WWP1: variants seen among roughly 807,000 people sequenced by gnomAD.
WWP1 encodes NEDD4-like E3 ubiquitin-protein ligase WWP1.
A neutral mutation model predicts 130.6 loss-of-function variants in WWP1; 49 were observed. The ratio of observed to expected loss-of-function variants is 0.38; its 90% CI spans 0.30 to 0.48. The LOEUF is 0.48. Ranked by LOEUF, WWP1 falls within the 20% of genes least tolerant of loss-of-function variation. The pLI, the probability that WWP1 is intolerant of heterozygous loss-of-function variation, is 0.99. For missense variants in WWP1, 809 were observed against 1,100.6 expected (o/e 0.74, Z 3.75); for synonymous variants, 332 against 367.8 (o/e 0.90, Z 1.11).
At chr8:86,427,950 C>T (rs890128442) in intron 11 of WWP1, 133 bp downstream of exon 11, 9 of 723,298 alleles carry the variant, frequency 1.2e-5, no homozygotes, top group Non-Finnish European at 1.8e-5. Context: ...GACTGTGTTA[C>T]AAGATATTTT....
intron 9 of WWP1, 95 bp from the exon 10 acceptor site, chr8:86,425,128 G>A: frequency 1.2e-6 from 1 of 859,498 alleles, no homozygotes; most frequent in South Asian, 1.8e-5. Flanking sequence ...TTAATGTAAA[G>A]CTTATCTGTA....
In WWP1 at chr8:86,377,538, C is replaced by A. The variant is rs1239676592; in HGVS notation, c.71-3188C>A. Among the ~76,000 whole-genome samples the A allele has an allele frequency of 2.6e-5, 4 of 151,542 alleles. No homozygotes were observed. In the South Asian group the frequency reaches 6.3e-4, roughly 24 times the overall value. ...TATTTTTAGCATATTTACTCTTATC[C>A]TCATTTCTGTTCTTAACCCTTATCT... On this transcript the variant is annotated intron_variant, in intron 3 of 24. Transcript: ENST00000517970.
intron 1 of WWP1, among the ~76,000 whole-genome samples, chr8:86,352,898 T>C (rs1035264784): frequency 6.6e-6 from 1 of 152,242 alleles, no homozygotes; most frequent in Non-Finnish European, 1.5e-5. Flanking sequence ...TACTTCTTTC[T>C]ACAAAAGCAG....
chr8:86,388,074 C>A (rs1253365830), intron 5 of WWP1, among the ~76,000 whole-genome samples: 1 of 151,568 alleles, frequency 6.6e-6, no homozygotes, highest in East Asian at 1.9e-4. Context: ...TTTAAATAGC[C>A]ATACATGGCC....
intron 18 of WWP1, among the ~76,000 whole-genome samples, chr8:86,446,472 T>A (rs548597181): frequency 8.0e-4 from 122 of 152,324 alleles, no homozygotes; most frequent in Admixed American, 2.9e-3. Context: ...GTGCAGAAGC[T>A]CTTTAGTTTA....
intron 2 of WWP1, among the ~76,000 whole-genome samples, chr8:86,372,932 CT>C (rs1824412358): frequency 6.6e-6 from 1 of 152,090 alleles, no homozygotes; most frequent in Admixed American, 6.6e-5. Context: ...CTCTTTCAGA[CT>C]TACCAGATGA....
rs747496330 is a variant in WWP1 at position 86,466,858 on chromosome 8, G to T, written c.2734G>T (p.Ala912Ser). 1 of 1,605,252 alleles carries T rather than the reference G, an allele frequency of 6.2e-7. No individual in the cohort carries two copies. Among genetic ancestry groups the T allele is most frequent in the Admixed American group, 1.7e-5 (1 of 57,958 alleles). ...YEQLKEKLLF[A>S]IEETEGFGQE ...ACAACTAAAGGAAAAACTTCTTTTT[G>T]CAATAGAAGAGACAGAGGGATTTGG... is the stretch of plus-strand genomic sequence containing the variant. Residue 912 changes from alanine to serine, a missense_variant, in exon 25 of 25, where the codon GCA becomes TCA. Ala to Ser is a moderately conservative substitution (Grantham distance 99). Transcript: ENST00000517970.
intron 1 of WWP1, among the ~76,000 whole-genome samples, chr8:86,346,618 A>C (rs1822599170): frequency 6.6e-6 from 1 of 152,180 alleles, no homozygotes; most frequent in African/African-American, 2.4e-5. Context: ...ACTTTTCTGC[A>C]CCTGTAAGAT....
At chr8:86,424,612 G>T (rs867736617) in intron 9 of WWP1, among the ~76,000 whole-genome samples, 12 of 145,576 alleles carry the variant, frequency 8.2e-5, no homozygotes, top group African/African-American at 3.0e-4. Context: ...AGACCAGCCC[G>T]GCCAACACAG....
At chr8:86,383,737 C>T (rs1478229675) in intron 5 of WWP1, among the ~76,000 whole-genome samples, 2 of 152,168 alleles carry the variant, frequency 1.3e-5, no homozygotes, top group East Asian at 1.9e-4. Context: ...GCGAGACTCC[C>T]TCTCAAAAAA....
intron 3 of WWP1, among the ~76,000 whole-genome samples, chr8:86,376,808 G>A (rs1476178459): frequency 6.6e-6 from 1 of 152,124 alleles, no homozygotes; most frequent in Non-Finnish European, 1.5e-5. Context: ...AATGATCATG[G>A]ACCTGTGCTA....
rs1812215692 is a variant in WWP1, at chr8:86,467,082, G to T, written c.*189G>T. 6.4e-6 allele frequency: 3 copies of T among 470,126 alleles called. No individual in the cohort carries two copies. The highest frequency in any genetic ancestry group is 1.1e-5 in the Non-Finnish European group (3 of 269,258). The allele number at this position is 470,126 out of a possible 1,614,324, so 29.1% of individuals were successfully genotyped here. A position where few individuals can be genotyped will look rare whatever the true frequency, so the allele number is the denominator to read the frequency against. On this transcript the variant is annotated 3_prime_UTR_variant, in exon 25 of 25. Coordinates refer to ENST00000517970, the MANE Select transcript of WWP1 (RefSeq NM_007013.4). ...TTTCTACTTTATTTATTGTTCCCTT[G>T]AAATGACTGACCAGGAAAAAGATCA...
chr8:86,371,226 T>C (rs1389646416), intron 2 of WWP1, among the ~76,000 whole-genome samples: 1 of 152,090 alleles, frequency 6.6e-6, no homozygotes, highest in Non-Finnish European at 1.5e-5. Flanking sequence ...TACTATATAA[T>C]GCTCCATTGT....
intron 6 of WWP1, 34 bp downstream of exon 6, chr8:86,398,513 G>C: frequency 6.2e-7 from 1 of 1,608,416 alleles, no homozygotes. Context: ...AAAATTTCAA[G>C]GAAAAAGAAT....
intron 9 of WWP1, among the ~76,000 whole-genome samples, chr8:86,414,278 A>G (rs917013987): frequency 6.6e-6 from 1 of 152,126 alleles, no homozygotes; most frequent in Non-Finnish European, 1.5e-5. Context: ...AAATCAGTAG[A>G]TAAATAGCAA....
rs748376275 is a variant in WWP1, at chr8:86,411,542, T to C, written c.729T>C (p.Asn243=). The part of the protein sequence containing the change: ...LASEPADDTV[N]GESSSFAPTD... ...TTATTAATTTTCCCTTCTCAGTTAA[T>C]GGAGAATCATCCTCATTTGCACCAA... Residue 243 remains asparagine (N), a synonymous_variant, in exon 9 of 25, where the codon AAT becomes AAC. Coordinates refer to ENST00000517970, the MANE Select transcript of WWP1 (RefSeq NM_007013.4). 13 of 1,609,370 alleles carry C rather than the reference T, an allele frequency of 8.1e-6. No homozygotes were observed. Among genetic ancestry groups the C allele is most frequent in the African/African-American group, 1.3e-5 (1 of 74,908 alleles).
intron 17 of WWP1, among the ~76,000 whole-genome samples, chr8:86,440,135 T>G (rs914038078): frequency 2.6e-5 from 4 of 152,238 alleles, no homozygotes; most frequent in Non-Finnish European, 5.9e-5. Context: ...GAAAGGTACA[T>G]CTTAGAAATG....
intron 8 of WWP1, among the ~76,000 whole-genome samples, chr8:86,408,653 C>T (rs1227072101): frequency 6.6e-6 from 1 of 152,156 alleles, no homozygotes; most frequent in Non-Finnish European, 1.5e-5. Flanking sequence ...CAGTGGCTTA[C>T]GCCTGTAATC....
intron 16 of WWP1, among the ~76,000 whole-genome samples, chr8:86,436,148 A>G (rs146669466): frequency 2.0e-5 from 3 of 152,284 alleles, no homozygotes; most frequent in African/African-American, 7.2e-5. Context: ...TCTCCATGTT[A>G]TAGGTAAAGG....
Sources: allele counts gnomAD v4.1 joint callset (sites outside exome capture counted in the v4.1 genomes callset), GRCh38; gene constraint gnomAD v4.1.1; transcripts MANE v1.5; gene names NCBI Gene and HGNC (gene_info 2026-07-23, HGNC 2026-07-21).